Variants in APP observed in about 807,000 individuals in gnomAD.
The protein encoded by APP is amyloid-beta precursor protein.
In APP, 31 loss-of-function variants were observed where a neutral mutation model predicts 101.4. The ratio of observed to expected loss-of-function variants is 0.31; its 90% confidence interval spans 0.23 to 0.41. The LOEUF (loss-of-function observed/expected upper bound fraction) is 0.41. Among genes scored for constraint, APP ranks in the 10% least tolerant of loss-of-function variants. The pLI is 1.00. For missense variants in APP, 839 were observed against 1,003.7 expected, an observed-to-expected ratio of 0.84 and a Z score of 2.22; for synonymous variants, 366 against 364.4, an observed-to-expected ratio of 1.00 and a Z score of -0.05.
chr21:25,950,115 T>G (rs1321234602), intron 13 of APP, among the ~76,000 whole-genome samples: 1 of 152,184 alleles, frequency 6.6e-6, no homozygotes, highest in African/African-American at 2.4e-5. Flanking sequence ...GTCTCCACTC[T>G]TACCCTAAAC....
chr21:25,882,720 T>C (rs1403106707), intron 17 of APP, among the ~76,000 whole-genome samples: 2 of 152,128 alleles, frequency 1.3e-5, no homozygotes, highest in Non-Finnish European at 2.9e-5. Context: ...ATTCCTCTTT[T>C]GTAAAACCAT....
intron 5 of APP, among the ~76,000 whole-genome samples, chr21:26,038,460 T>C (rs1444797526): frequency 6.6e-6 from 1 of 152,092 alleles, no homozygotes; most frequent in Non-Finnish European, 1.5e-5. Context: ...GAGAAGTGAT[T>C]TGACTAAGAA....
In APP at chr21:26,001,779, G is replaced by A. The variant is rs139771858; in HGVS notation, c.866-1597C>T. 3.5e-3 allele frequency among the ~76,000 whole-genome samples: 533 copies of A among 152,336 alleles called. 2 individuals carry two copies. Among genetic ancestry groups the A allele is most frequent in the African/African-American group, 0.012 (511 of 41,554 alleles). On this transcript the variant is annotated intron_variant, in intron 6 of 17. Coordinates refer to ENST00000346798, the MANE Select transcript of APP (RefSeq NM_000484.4). Reference sequence around the variant, plus strand: ...CTCTCTAAGTGCTGGGATTACAGGCGTGAGCCACTGCCACTGGTCCTTCAA... The same window carrying A: ...CTCTCTAAGTGCTGGGATTACAGGCATGAGCCACTGCCACTGGTCCTTCAA...
At chr21:25,997,323 T>C in intron 8 of APP, 37 bp downstream of exon 8, 1 of 1,594,452 alleles carries the variant, frequency 6.3e-7, no homozygotes, top group Non-Finnish European at 8.6e-7. Flanking sequence ...AGCATCCTCC[T>C]CCCCTCTTCC....
chr21:26,075,864 G>T (rs965388570), intron 3 of APP, among the ~76,000 whole-genome samples: 5 of 151,882 alleles, frequency 3.3e-5, no homozygotes. Context: ...ACTTTCCCTG[G>T]AACATCCCCA....
chr21:26,153,394 AT>A (rs1299985633), intron 1 of APP, among the ~76,000 whole-genome samples: 2 of 152,174 alleles, frequency 1.3e-5, no homozygotes, highest in East Asian at 3.8e-4. Flanking sequence ...AAAATGGTGG[AT>A]TTTTTTAAGG....
rs35206910 is a variant in APP, at chr21:26,017,198, CA to C, written c.865+4641del. Among the ~76,000 whole-genome samples, 74 of 56,366 alleles carry C rather than the reference CA, an allele frequency of 1.3e-3. 2 individuals carry two copies. Among genetic ancestry groups the C allele is most frequent in the Admixed American group, 4.4e-3 (20 of 4,514 alleles). The allele number at this position is 56,366 out of a possible 152,430, so 37.0% of individuals were successfully genotyped here. On this transcript the variant is annotated intron_variant, in intron 6 of 17. Coordinates refer to ENST00000346798, the MANE Select transcript of APP (RefSeq NM_000484.4). ...TGGGTGACAGAGCGAGACTGTATCT[CA>C]AAAAAAAAAAAAAAAAAAATTCTTG... is the stretch of plus-strand genomic sequence containing the variant.
At chr21:26,031,916 G>C (rs1379212677) in intron 5 of APP, among the ~76,000 whole-genome samples, 1 of 152,210 alleles carries the variant, frequency 6.6e-6, no homozygotes. Context: ...CTGCACCACT[G>C]ATCCTCAGTG....
intron 2 of APP, among the ~76,000 whole-genome samples, chr21:26,094,557 A>G (rs898099088): frequency 4.7e-5 from 7 of 149,920 alleles, no homozygotes; most frequent in African/African-American, 1.7e-4. Flanking sequence ...ACATAGATAT[A>G]AAAATATTTA....
rs1370735070 is a variant in APP, at chr21:26,058,550, C to T, written c.356-5202G>A. On this transcript the variant is annotated intron_variant, in intron 3 of 17. Coordinates refer to ENST00000346798, the MANE Select transcript of APP (RefSeq NM_000484.4). ...GACAGACAGAATTCCAGGAAGCAAA[C>T]AGAATTCAGAGTAAAAAGTACTGCA... Among the ~76,000 whole-genome samples the T allele has an allele frequency of 2.6e-5, 4 of 152,298 alleles. No individual in the cohort carries two copies. In the South Asian group the frequency reaches 6.2e-4, roughly 24 times the overall value.
intron 16 of APP, among the ~76,000 whole-genome samples, chr21:25,895,952 T>C (rs1356421503): frequency 1.3e-5 from 2 of 152,246 alleles, no homozygotes; most frequent in African/African-American, 2.4e-5. Flanking sequence ...ATTCTCCTAA[T>C]TGCTGCCGCT....
intron 1 of APP, among the ~76,000 whole-genome samples, chr21:26,136,191 A>G (rs373170292): frequency 1.6e-4 from 12 of 77,404 alleles, no homozygotes; most frequent in African/African-American, 1.1e-3. Flanking sequence ...GAAAGAAAGA[A>G]AGAAAGAAAG....
At chr21:25,984,344 C>T (rs1409540499) in intron 8 of APP, among the ~76,000 whole-genome samples, 1 of 152,008 alleles carries the variant, frequency 6.6e-6, no homozygotes, top group Non-Finnish European at 1.5e-5. Context: ...AAATGAATTA[C>T]ACACAGGATC....
At chr21:25,941,232 T>C (rs1462339891) in intron 13 of APP, 1 of 152,238 alleles carries the variant, frequency 6.6e-6, no homozygotes, top group East Asian at 1.9e-4. Flanking sequence ...GCTATGGATA[T>C]AAGATCAGCC....
chr21:26,062,226 A>AC (rs1555861786), intron 3 of APP, among the ~76,000 whole-genome samples: 90 of 86,472 alleles, frequency 1.0e-3, no homozygotes, highest in East Asian at 2.5e-3. Flanking sequence ...CAAACAAACA[A>AC]ACAAACACAC....
intron 5 of APP, among the ~76,000 whole-genome samples, chr21:26,047,796 T>C (rs1036158022): frequency 5.3e-5 from 8 of 152,182 alleles, no homozygotes; most frequent in African/African-American, 1.7e-4. Context: ...CACATGTAAC[T>C]ATCAAACACA....
At chr21:26,152,270 G>A (rs574811257) in intron 1 of APP, among the ~76,000 whole-genome samples, 9 of 92,214 alleles carry the variant, frequency 9.8e-5, no homozygotes, top group African/African-American at 4.2e-4. Context: ...GGGCGACAGA[G>A]CAAGACTCCA....
chr21:26,093,738 C>A (rs7277117), intron 2 of APP, among the ~76,000 whole-genome samples: 1 of 152,070 alleles, frequency 6.6e-6, no homozygotes, highest in Admixed American at 6.5e-5. Flanking sequence ...CTAGAACATG[C>A]GTGTTATTTT....
intron 13 of APP, among the ~76,000 whole-genome samples, chr21:25,926,124 A>G (rs899026952): frequency 6.6e-6 from 1 of 152,196 alleles, no homozygotes; most frequent in Non-Finnish European, 1.5e-5. Context: ...AAGCCACAGG[A>G]AAGGAAAGAC....
Sources: allele counts gnomAD v4.1 joint callset (sites outside exome capture counted in the v4.1 genomes callset), GRCh38; gene constraint gnomAD v4.1.1; transcripts MANE v1.5; gene names NCBI Gene and HGNC (gene_info 2026-07-23, HGNC 2026-07-21).